CFAP68: variants seen among roughly 807,000 people sequenced by gnomAD.
CFAP68 encodes cilia- and flagella-associated protein 68.
the CFAP68 span, chr11:111,881,301 G>A: frequency 1.4e-6 from 2 of 1,428,334 alleles, no homozygotes; most frequent in East Asian, 2.5e-5. Flanking sequence ...ATGTTGTTTG[G>A]TAACATCAGT....
chr11:111,882,515 T>G, the CFAP68 span: 3 of 1,614,030 alleles, frequency 1.9e-6, no homozygotes, highest in Non-Finnish European at 2.5e-6. Context: ...GAATACCTAT[T>G]CAAACCGTAC....
the CFAP68 span, chr11:111,882,313 C>A: frequency 1.4e-6 from 2 of 1,476,296 alleles, no homozygotes; most frequent in South Asian, 2.4e-5. Flanking sequence ...GGAAAAGATG[C>A]TTTTTCTCTT....
chr11:111,883,674 G>A, the CFAP68 span: 2 of 820,836 alleles, frequency 2.4e-6, no homozygotes, highest in Non-Finnish European at 4.1e-6. Context: ...AGGACTTACT[G>A]TCTATTCCCT....
At chr11:111,881,025 A>G in the CFAP68 span, 40 of 336,860 alleles carry the variant, frequency 1.2e-4, no homozygotes, top group Non-Finnish European at 9.8e-5. Context: ...GGCAACTGCA[A>G]TAATGGAGAC....
At chr11:111,881,356 C>G in the CFAP68 span, 1 of 1,477,628 alleles carries the variant, frequency 6.8e-7, no homozygotes, top group Non-Finnish European at 8.9e-7. Context: ...AGGGTAGTTA[C>G]CTGGGATGTC....
chr11:111,880,413 A>G, the CFAP68 span, among the ~76,000 whole-genome samples: 1 of 152,238 alleles, frequency 6.6e-6, no homozygotes, highest in Non-Finnish European at 1.5e-5. Flanking sequence ...GAGATAGCTC[A>G]GCACAAGATA....
the CFAP68 span, chr11:111,883,050 C>A: frequency 1.0e-6 from 1 of 979,702 alleles, no homozygotes; most frequent in Non-Finnish European, 1.6e-6. Context: ...TATGACAGTC[C>A]GTGAGAATTC....
At chr11:111,881,090 C>A in the CFAP68 span, 2 of 680,754 alleles carry the variant, frequency 2.9e-6, no homozygotes, top group Non-Finnish European at 4.0e-6. Flanking sequence ...GGGTGGCAGT[C>A]TGATTCAAAA....
At chr11:111,879,765 G>A in the CFAP68 span, among the ~76,000 whole-genome samples, 1 of 152,178 alleles carries the variant, frequency 6.6e-6, no homozygotes, top group Non-Finnish European at 1.5e-5. Flanking sequence ...GAGCAAAACA[G>A]GCAACTCTGA....
the CFAP68 span, among the ~76,000 whole-genome samples, chr11:111,879,795 T>C: frequency 6.6e-6 from 1 of 152,188 alleles, no homozygotes; most frequent in Admixed American, 6.5e-5. Flanking sequence ...GTGTGTGCTC[T>C]GGGAGCACAC....
chr11:111,879,599 C>A, the CFAP68 span: 1 of 1,613,734 alleles, frequency 6.2e-7, no homozygotes, highest in Non-Finnish European at 8.5e-7. Context: ...CAAAATTTCT[C>A]TTCCAGGTGC....
At chr11:111,884,679 G>GT in the CFAP68 span, 1 of 151,924 alleles carries the variant, frequency 6.6e-6, no homozygotes, top group African/African-American at 2.4e-5. Flanking sequence ...AAAAACAAAC[G>GT]TAACTTTTTA....
the CFAP68 span, chr11:111,884,481 A>AC: frequency 6.6e-6 from 1 of 151,814 alleles, no homozygotes; most frequent in African/African-American, 2.4e-5. Context: ...CTCAAAAAAA[A>AC]AAAAAAAAAA....
the CFAP68 span, chr11:111,880,812 CA>C: frequency 3.9e-5 from 18 of 456,258 alleles, no homozygotes; most frequent in South Asian, 2.8e-4. Flanking sequence ...CTTCCGGTAA[CA>C]AGAACATGCT....
chr11:111,883,865 C>CT, the CFAP68 span: 1 of 1,600,854 alleles, frequency 6.2e-7, no homozygotes, highest in Non-Finnish European at 8.6e-7. Context: ...ACATGAATAG[C>CT]TATTCAAAGC....
chr11:111,880,421 A>G, the CFAP68 span, among the ~76,000 whole-genome samples: 1 of 152,230 alleles, frequency 6.6e-6, no homozygotes, highest in South Asian at 2.1e-4. Context: ...TCAGCACAAG[A>G]TACAGGTCAT....
the CFAP68 span, chr11:111,883,643 G>A: frequency 4.3e-6 from 3 of 700,376 alleles, no homozygotes; most frequent in African/African-American, 3.6e-5. Flanking sequence ...GAGTAAACAG[G>A]ATTTTTTCTT....
chr11:111,885,775 C>G, the CFAP68 span: 16 of 152,156 alleles, frequency 1.1e-4, no homozygotes, highest in African/African-American at 3.6e-4. Flanking sequence ...TTTTTTATCT[C>G]CCATATATTA....
At chr11:111,882,246 G>A in the CFAP68 span, 1 of 765,296 alleles carries the variant, frequency 1.3e-6, no homozygotes, top group East Asian at 2.7e-5. Context: ...CCATAACATA[G>A]CCTGGATCAT....
Sources: allele counts gnomAD v4.1 joint callset (sites outside exome capture counted in the v4.1 genomes callset), GRCh38; gene constraint gnomAD v4.1.1; transcripts MANE v1.5; gene names NCBI Gene and HGNC (gene_info 2026-07-23, HGNC 2026-07-21).